Variants in KSR1 observed in about 807,000 individuals in gnomAD.
KSR1 encodes the protein kinase suppressor of ras.
KSR1 carries 35 observed loss-of-function variants against 92.9 expected under a neutral mutation model. That is an observed-to-expected ratio of 0.38 (90% confidence interval 0.29 to 0.50). KSR1 has a LOEUF of 0.50. Ranked by LOEUF, KSR1 falls within the 20% of genes least tolerant of loss-of-function variation. The pLI, the probability that KSR1 is intolerant of heterozygous loss-of-function variation, is 0.94. For missense variants in KSR1, 972 were observed against 1,158.5 expected (o/e 0.84, Z 2.34); for synonymous variants, 467 against 472.6 (o/e 0.99, Z 0.15).
Position 27,609,190 on chromosome 17 carries a change from C to G in KSR1, c.2092-6C>G. On this transcript the variant is annotated splice_region_variant and splice_polypyrimidine_tract_variant and intron_variant, in intron 15 of 20. Coordinates refer to ENST00000644974, the MANE Select transcript of KSR1 (RefSeq NM_001394583.1). ...ACATCTTCACTCCTCCTGATGTGTC[C>G]TCCAGGGCATGGGATATCTTCATGC... 10 of 1,612,966 alleles carry G rather than the reference C, an allele frequency of 6.2e-6. No homozygotes were observed. The highest frequency in any genetic ancestry group is 8.5e-6 in the Non-Finnish European group (10 of 1,179,128).
chr17:27,605,315 T>C, intron 13 of KSR1, 119 bp from the exon 14 acceptor site: 1 of 1,340,530 alleles, frequency 7.5e-7, no homozygotes. Context: ...AACTACAACC[T>C]GGGTCCCCTG....
chr17:27,522,291 A>G (rs878028), intron 1 of KSR1, among the ~76,000 whole-genome samples: 64,702 of 152,072 alleles, frequency 0.43, 14,813 homozygotes, highest in African/African-American at 0.59. Context: ...TATGAACTTG[A>G]TCCTAGGAAT....
chr17:27,596,852 A>C (rs1227679894), intron 9 of KSR1, among the ~76,000 whole-genome samples: 1 of 152,218 alleles, frequency 6.6e-6, no homozygotes, highest in Non-Finnish European at 1.5e-5. Context: ...CCAGTCACTG[A>C]GTATGTGACG....
chr17:27,528,169 C>T (rs1386004917), intron 1 of KSR1, among the ~76,000 whole-genome samples: 1 of 152,070 alleles, frequency 6.6e-6, no homozygotes, highest in Non-Finnish European at 1.5e-5. Context: ...GGGGTTCAAG[C>T]AATTCTTGTT....
rs571957489 is a variant in KSR1, at chr17:27,474,040, C to T, written c.231+17166C>T. On this transcript the variant is annotated intron_variant, in intron 1 of 20. Transcript: ENST00000644974. ...ATGTGGGCTGCGATCGGCCATGTGTCTAGAGGAAACTCCTTCACTTGCATC... is the reference window on the plus strand; with the variant it reads ...ATGTGGGCTGCGATCGGCCATGTGTTTAGAGGAAACTCCTTCACTTGCATC... Among the ~76,000 whole-genome samples the T allele has an allele frequency of 2.6e-5, 4 of 152,336 alleles. No homozygotes were observed. The South Asian group carries it at 8.3e-4, about 32-fold the overall frequency.
At chr17:27,614,534 C>T (rs1345505345) in intron 18 of KSR1, among the ~76,000 whole-genome samples, 2 of 152,160 alleles carry the variant, frequency 1.3e-5, no homozygotes, top group African/African-American at 4.8e-5. Context: ...AGTCAAGGCT[C>T]GGCACTGGCT....
At chr17:27,534,130 G>A (rs1439775318) in intron 1 of KSR1, among the ~76,000 whole-genome samples, 8 of 152,342 alleles carry the variant, frequency 5.3e-5, no homozygotes, top group Non-Finnish European at 1.0e-4. Flanking sequence ...GTGCTCAGAG[G>A]TTCGTGTTGC....
chr17:27,580,415 G>A (rs2072705121), intron 3 of KSR1, among the ~76,000 whole-genome samples: 1 of 152,174 alleles, frequency 6.6e-6, no homozygotes, highest in South Asian at 2.1e-4. Context: ...GAGGGGATGG[G>A]ATGTGCAAAG....
rs1446053330 is a variant in KSR1 at position 27,625,445 on chromosome 17, A to G, written c.*2053A>G. ...AAGTGCTGGGCACCTAGAGATAGGA[A>G]CAGTCATGGTCCCTGCTCTTAAGGA... On this transcript the variant is annotated 3_prime_UTR_variant, in exon 21 of 21. Coordinates refer to ENST00000644974, the MANE Select transcript of KSR1 (RefSeq NM_001394583.1). 6.6e-6 allele frequency: 1 copy of G among 152,258 alleles called. No homozygotes were observed. The highest frequency in any genetic ancestry group is 2.4e-5 in the African/African-American group (1 of 41,466). 9.4% of individuals were successfully genotyped at this position (152,258 alleles called of 1,614,324 possible).
chr17:27,622,237 G>T (rs1382172241), intron 20 of KSR1: 7 of 455,144 alleles, frequency 1.5e-5, no homozygotes, highest in South Asian at 2.4e-5. Flanking sequence ...GATTGCTCCC[G>T]TGTTCTTCTG....
intron 10 of KSR1, among the ~76,000 whole-genome samples, chr17:27,600,566 C>T (rs532958110): frequency 6.6e-5 from 10 of 152,302 alleles, no homozygotes; most frequent in Admixed American, 2.6e-4. Context: ...CATAATCGTG[C>T]GTGCCATCCT....
At chr17:27,539,130 C>T (rs573899936) in intron 1 of KSR1, among the ~76,000 whole-genome samples, 1 of 152,270 alleles carries the variant, frequency 6.6e-6, no homozygotes, top group Non-Finnish European at 1.5e-5. Context: ...TTCACTAGGC[C>T]CCTGCTTGGT....
chr17:27,530,177 G>A (rs1309300209), intron 1 of KSR1, among the ~76,000 whole-genome samples: 2 of 152,230 alleles, frequency 1.3e-5, no homozygotes, highest in Non-Finnish European at 2.9e-5. Context: ...AGACCCAGCA[G>A]GGGCTGGGCG....
rs1415098276 is a variant in KSR1, at chr17:27,608,030, C to T, written c.2091+20C>T. The T allele has an allele frequency of 2.5e-6, 4 of 1,570,582 alleles. No individual in the cohort carries two copies. Among genetic ancestry groups the T allele is most frequent in the East Asian group, 4.6e-5 (2 of 43,676 alleles). ...ATCAAGGTGAGGGGGTGCCCAGCTGCTGGGGGTGGGTTTCTGGCCGGTTCC... is the reference window on the plus strand; with the variant it reads ...ATCAAGGTGAGGGGGTGCCCAGCTGTTGGGGGTGGGTTTCTGGCCGGTTCC... On this transcript the variant is annotated intron_variant, in intron 15 of 20. Coordinates refer to ENST00000644974, the MANE Select transcript of KSR1 (RefSeq NM_001394583.1).
At chr17:27,513,564 T>C (rs1353214403) in intron 1 of KSR1, among the ~76,000 whole-genome samples, 1 of 152,214 alleles carries the variant, frequency 6.6e-6, no homozygotes, top group Non-Finnish European at 1.5e-5. Context: ...CATATTAACC[T>C]TGTAAGCCGA....
At position 27,582,933 on chromosome 17, in the gene KSR1, A is replaced by G. The variant is rs777792109; in HGVS notation, c.808A>G (p.Thr270Ala). ...CCCCCGTGCCCTGCACAGCTTCATC[A>G]CCCCGCCCACCACACCCCAGCTGCG... is the stretch of plus-strand genomic sequence containing the variant. ...LTPRALHSFI[T>A]PPTTPQLRRH... Residue 270 changes from threonine to alanine, a missense_variant, in exon 4 of 21, where the codon ACC (threonine) becomes GCC (alanine). Physicochemically the swap from Thr to Ala is moderately conservative, Grantham distance 58 (BLOSUM62 0). Transcript: ENST00000644974. 1.9e-6 allele frequency: 3 copies of G among 1,600,570 alleles called. No individual in the cohort carries two copies. In the African/African-American group the frequency reaches 4.2e-5, roughly 22 times the overall value.
chr17:27,590,787 T>A lies in KSR1; in HGVS notation c.1047-24T>A, dbSNP rs566558298. On this transcript the variant is annotated intron_variant, in intron 6 of 20. Transcript: ENST00000644974. ...CTTGGCCTCCCAGCTGGTGCAAACA[T>A]GTGCCTGTGTCCGCCCTCTGCAGGT... 1.4e-5 allele frequency: 23 copies of A among 1,600,084 alleles called. No homozygotes were observed. In the African/African-American group the frequency reaches 2.1e-4, roughly 15 times the overall value.
chr17:27,583,699 A>G (rs2072864279), intron 4 of KSR1, among the ~76,000 whole-genome samples: 1 of 152,252 alleles, frequency 6.6e-6, no homozygotes, highest in African/African-American at 2.4e-5. Context: ...ACTCTGTCCC[A>G]TGACTTGTTT....
At chr17:27,590,986 T>C in intron 7 of KSR1, 92 bp downstream of exon 7, 1 of 1,083,704 alleles carries the variant, frequency 9.2e-7, no homozygotes, top group Non-Finnish European at 1.4e-6. Context: ...CATAGTCCTA[T>C]TCAGCACACC....
Sources: allele counts gnomAD v4.1 joint callset (sites outside exome capture counted in the v4.1 genomes callset), GRCh38; gene constraint gnomAD v4.1.1; transcripts MANE v1.5; gene names NCBI Gene and HGNC (gene_info 2026-07-23, HGNC 2026-07-21).